Variants in RP1 observed in about 807,000 individuals in gnomAD.
RP1 encodes the protein oxygen-regulated protein 1.
RP1 carries 16 observed loss-of-function variants against 14.8 expected under a neutral mutation model. That is an observed-to-expected ratio of 1.08 (90% CI 0.73 to 1.65). The LOEUF is 1.65. Ranked by LOEUF, RP1 falls within the 40% of genes most tolerant of loss-of-function variation. The pLI is 0.00. For missense variants in RP1, 2,631 were observed against 2,535.0 expected, an observed-to-expected ratio of 1.04 and a Z score of -0.81; for synonymous variants, 876 against 883.6, an observed-to-expected ratio of 0.99 and a Z score of 0.15.
At chr8:54,676,738 C>A (rs185227521) in intron 8 of RP1, among the ~76,000 whole-genome samples, 1 of 152,080 alleles carries the variant, frequency 6.6e-6, no homozygotes, top group African/African-American at 2.4e-5. Context: ...TATATTTTTA[C>A]GTTAATAATT....
intron 1 of RP1, among the ~76,000 whole-genome samples, chr8:54,604,977 T>C (rs1805392165): frequency 3.9e-5 from 6 of 152,176 alleles, no homozygotes; most frequent in Admixed American, 3.9e-4. Context: ...TGTTGATCTT[T>C]TCAAAAAACC....
rs1212276501 is a variant in RP1, at chr8:54,630,085, A to G, written c.6203A>G (p.Asn2068Ser). 2 of 1,613,904 alleles carry G rather than the reference A, an allele frequency of 1.2e-6. No homozygotes were observed. Among genetic ancestry groups the G allele is most frequent in the East Asian group, 2.2e-5 (1 of 44,856 alleles). Residue 2068 changes from asparagine to serine, a missense_variant, in exon 4 of 4, where the codon AAT (asparagine) becomes AGT (serine). Asn to Ser is a conservative substitution (Grantham distance 46, BLOSUM62 1). Coordinates refer to ENST00000220676, the MANE Select transcript of RP1 (RefSeq NM_006269.2). Reference sequence around the variant, plus strand: ...GAAATCTTTAAAGCAGTCGATGAGAATAACAACTTATTAAATAACAGATTC... The same window carrying G: ...GAAATCTTTAAAGCAGTCGATGAGAGTAACAACTTATTAAATAACAGATTC... Reference protein sequence around the residue: ...TNEIFKAVDENNNLLNNRFQG... With the variant: ...TNEIFKAVDESNNLLNNRFQG...
At chr8:54,655,920 C>T (rs1367996675) in intron 5 of RP1, among the ~76,000 whole-genome samples, 4 of 151,886 alleles carry the variant, frequency 2.6e-5, no homozygotes, top group Admixed American at 6.6e-5. Flanking sequence ...TGCCATTGTA[C>T]CTGAGATGGC....
At chr8:54,679,220 C>T (rs994499944) in intron 9 of RP1, among the ~76,000 whole-genome samples, 1 of 152,164 alleles carries the variant, frequency 6.6e-6, no homozygotes, top group African/African-American at 2.4e-5. Context: ...CAGATAGTAA[C>T]TGCTGCTTCT....
In RP1 at chr8:54,741,707, GTATATATATATA is replaced by G. The variant is rs372225314; in HGVS notation, c.2808+2710_2808+2721del. On this transcript the variant is annotated intron_variant, in intron 19 of 22. Transcript: ENST00000636932. Reference sequence around the variant, plus strand: ...TGTACATATAAATACAAATGTGTGTGTATATATATATATATATATATATATATATATATATAT... The same window carrying G: ...TGTACATATAAATACAAATGTGTGTGTATATATATATATATATATATATAT... Among the ~76,000 whole-genome samples, 994 of 58,052 alleles carry G rather than the reference GTATATATATATA, an allele frequency of 0.017. 44 individuals are homozygous for G. In the East Asian group the frequency reaches 0.19, roughly 11 times the overall value. 38.1% of individuals were successfully genotyped at this position (58,052 alleles called of 152,430 possible).
At chr8:54,759,082 G>T (rs1413175101) in intron 22 of RP1, 2 of 1,531,898 alleles carry the variant, frequency 1.3e-6, no homozygotes, top group African/African-American at 2.8e-5. Flanking sequence ...CAAAGGTAAT[G>T]CTGGTCTCCA....
intron 1 of RP1, among the ~76,000 whole-genome samples, chr8:54,608,428 T>C (rs1805512698): frequency 6.6e-6 from 1 of 152,186 alleles, no homozygotes; most frequent in Non-Finnish European, 1.5e-5. Flanking sequence ...CCCTCTGTTT[T>C]CAGTCTAGGC....
exon 18 of RP1, chr8:54,734,545 A>T: frequency 6.5e-7 from 1 of 1,532,908 alleles, no homozygotes; most frequent in Non-Finnish European, 8.7e-7. Context: ...TCCCCCATAG[A>T]AGAAATCAGA....
intron 22 of RP1, among the ~76,000 whole-genome samples, chr8:54,763,762 C>G (rs1341322286): frequency 6.6e-6 from 1 of 152,176 alleles, no homozygotes; most frequent in Non-Finnish European, 1.5e-5. Context: ...CTCTCAAAAC[C>G]AAATTGTAGT....
intron 21 of RP1, among the ~76,000 whole-genome samples, chr8:54,757,581 G>T (rs1809539470): frequency 6.6e-6 from 1 of 152,220 alleles, no homozygotes; most frequent in Admixed American, 6.5e-5. Flanking sequence ...TCTTGCTAGA[G>T]AACTTCAGAG....
At chr8:54,624,331 G>A (rs1220694866) in intron 3 of RP1, among the ~76,000 whole-genome samples, 2 of 150,334 alleles carry the variant, frequency 1.3e-5, no homozygotes, top group Non-Finnish European at 2.9e-5. Flanking sequence ...TGTAGTCCCA[G>A]CTATTCGGGA....
intron 3 of RP1, among the ~76,000 whole-genome samples, chr8:54,642,197 C>T (rs1216002677): frequency 1.3e-5 from 2 of 152,004 alleles, no homozygotes; most frequent in Non-Finnish European, 2.9e-5. Flanking sequence ...TTTATAATCA[C>T]AAGGTGAAAA....
chr8:54,602,187 T>G (rs551283292), intron 1 of RP1, among the ~76,000 whole-genome samples: 1 of 152,006 alleles, frequency 6.6e-6, no homozygotes, highest in Non-Finnish European at 1.5e-5. Context: ...CCCTCCCCTC[T>G]TCCCCCACCC....
At chr8:54,839,939 C>A (rs1811750880) in intron 25 of RP1, among the ~76,000 whole-genome samples, 1 of 152,070 alleles carries the variant, frequency 6.6e-6, no homozygotes, top group South Asian at 2.1e-4. Flanking sequence ...TCATAAAGCT[C>A]CTGATTCTAA....
chr8:54,775,885 G>A (rs916417035), intron 23 of RP1, among the ~76,000 whole-genome samples: 1 of 152,150 alleles, frequency 6.6e-6, no homozygotes, highest in Non-Finnish European at 1.5e-5. Flanking sequence ...TCTGAAAGTA[G>A]ATTTGAACCT....
upstream of RP1, among the ~76,000 whole-genome samples, chr8:54,611,893 C>T (rs1173714543): frequency 7.0e-6 from 1 of 143,220 alleles, no homozygotes; most frequent in Non-Finnish European, 1.5e-5. Flanking sequence ...CTCTCCCTTC[C>T]TTCCTTCCTT....
At position 54,630,600 on chromosome 8, in the gene RP1, A is replaced by ATTTT. The variant is rs10654889; in HGVS notation, c.*258_*261dup. The ATTTT allele has an allele frequency of 4.1e-4, 450 of 1,089,398 alleles. 1 individual carries two copies. The highest frequency in any genetic ancestry group is 3.3e-3 in the African/African-American group (189 of 57,588). The allele number at this position is 1,089,398 out of a possible 1,614,324, so 67.5% of individuals were successfully genotyped here. A position where few individuals can be genotyped will look rare whatever the true frequency, so the allele number is the denominator to read the frequency against. The stretch of plus-strand genomic sequence containing the variant: ...CTATCTGGTTTTGTTCTGAACTTAC[A>ATTTT]TTTTTTTTTTTTTTGGTATCTATGA... On this transcript the variant is annotated 3_prime_UTR_variant, in exon 4 of 4. Coordinates refer to ENST00000220676, the MANE Select transcript of RP1 (RefSeq NM_006269.2).
At chr8:54,799,333 C>T (rs1275055441) in intron 24 of RP1, among the ~76,000 whole-genome samples, 1 of 151,972 alleles carries the variant, frequency 6.6e-6, no homozygotes, top group Non-Finnish European at 1.5e-5. Context: ...ATAACAACAG[C>T]TTTGTCTTTC....
intron 12 of RP1, among the ~76,000 whole-genome samples, chr8:54,684,292 C>G (rs187472291): frequency 2.6e-5 from 4 of 151,948 alleles, no homozygotes; most frequent in African/African-American, 9.7e-5. Flanking sequence ...TGTATCTCTG[C>G]CAGGTTTTGC....
Sources: allele counts gnomAD v4.1 joint callset (sites outside exome capture counted in the v4.1 genomes callset), GRCh38; gene constraint gnomAD v4.1.1; transcripts MANE v1.5; gene names NCBI Gene and HGNC (gene_info 2026-07-23, HGNC 2026-07-21).